Variants in UBXN7 observed in about 807,000 individuals in gnomAD.
The protein encoded by UBXN7 is UBX domain protein 7, also known as UBX domain-containing protein 7.
Under a neutral mutation model 58.0 loss-of-function variants are expected in UBXN7, and 9 were observed. The ratio of observed to expected loss-of-function variants is 0.16; its 90% CI spans 0.09 to 0.27. The LOEUF (loss-of-function observed/expected upper bound fraction) is 0.27, where lower values mean the gene tolerates loss of function less well. UBXN7 is among the 10% of genes least tolerant of loss of function. UBXN7 has a pLI of 1.00. For missense variants in UBXN7, 328 were observed against 599.6 expected, an observed-to-expected ratio of 0.55 and a Z score of 4.73; for synonymous variants, 208 against 205.0, an observed-to-expected ratio of 1.01 and a Z score of -0.12.
chr3:196,428,822 T>TC (rs1730928332), intron 1 of UBXN7, among the ~76,000 whole-genome samples: 1 of 123,344 alleles, frequency 8.1e-6, no homozygotes, highest in Non-Finnish European at 1.8e-5. Flanking sequence ...CCAGTCCGTC[T>TC]CAAAAAAAAA....
At chr3:196,362,040 C>G in intron 9 of UBXN7, 117 bp from the exon 10 acceptor site, 1 of 1,135,206 alleles carries the variant, frequency 8.8e-7, no homozygotes, top group South Asian at 1.4e-5. Flanking sequence ...AAGTGTTTTG[C>G]TGGAGTGCAG....
At chr3:196,364,706 T>G (rs944502398) in intron 8 of UBXN7, among the ~76,000 whole-genome samples, 2 of 151,344 alleles carry the variant, frequency 1.3e-5, no homozygotes, top group Admixed American at 6.6e-5. Flanking sequence ...GCTGGTTGTT[T>G]TTTTTTTTTG....
intron 10 of UBXN7, among the ~76,000 whole-genome samples, chr3:196,360,429 C>T (rs1728476451): frequency 6.6e-6 from 1 of 152,136 alleles, no homozygotes; most frequent in Non-Finnish European, 1.5e-5. Flanking sequence ...TTTAACATTC[C>T]AAAATCCCAG....
chr3:196,402,477 G>A (rs915460284), intron 3 of UBXN7, among the ~76,000 whole-genome samples: 6 of 152,054 alleles, frequency 3.9e-5, no homozygotes, highest in African/African-American at 9.7e-5. Flanking sequence ...AATGCTTAAC[G>A]ATAAATTAAT....
chr3:196,415,725 T>C (rs753762678), intron 1 of UBXN7, among the ~76,000 whole-genome samples: 1 of 151,400 alleles, frequency 6.6e-6, no homozygotes, highest in Non-Finnish European at 1.5e-5. Flanking sequence ...AAGGTTGCAG[T>C]GAGCCAAGAT....
intron 3 of UBXN7, among the ~76,000 whole-genome samples, chr3:196,396,258 G>A (rs1331696356): frequency 6.7e-6 from 1 of 150,290 alleles, no homozygotes; most frequent in East Asian, 1.9e-4. Flanking sequence ...GCCAAAGAAT[G>A]CCTCTAAAAC....
intron 5 of UBXN7, among the ~76,000 whole-genome samples, chr3:196,375,696 C>T (rs1048197659): frequency 2.0e-5 from 3 of 152,144 alleles, no homozygotes; most frequent in Non-Finnish European, 2.9e-5. Flanking sequence ...GGGAGACTAA[C>T]GTCTGTCCCA....
chr3:196,364,697 C>T (rs1240802130), intron 8 of UBXN7, among the ~76,000 whole-genome samples: 1 of 148,546 alleles, frequency 6.7e-6, no homozygotes, highest in South Asian at 2.1e-4. Context: ...CATTTTTTTG[C>T]TGGTTGTTTT....
intron 6 of UBXN7, 143 bp downstream of exon 6, chr3:196,371,753 G>C (rs1728838961): frequency 9.7e-7 from 1 of 1,026,996 alleles, no homozygotes. Context: ...AAAGTGCTGG[G>C]ATTATAGGCG....
intron 8 of UBXN7, among the ~76,000 whole-genome samples, chr3:196,363,237 TAC>T (rs1728557374): frequency 1.5e-5 from 2 of 130,510 alleles, no homozygotes; most frequent in African/African-American, 6.1e-5. Context: ...CATACATACA[TAC>T]ATACATACAT....
intron 7 of UBXN7, 131 bp downstream of exon 7, chr3:196,369,290 G>GA (rs1161345125): frequency 9.6e-6 from 7 of 725,748 alleles, no homozygotes; most frequent in African/African-American, 3.6e-5. Context: ...ATTATAAAGG[G>GA]AAAAAAACGA....
chr3:196,375,856 C>T (rs1351609732), intron 5 of UBXN7, among the ~76,000 whole-genome samples: 1 of 152,108 alleles, frequency 6.6e-6, no homozygotes, highest in Admixed American at 6.5e-5. Flanking sequence ...TGGCGAAACC[C>T]CATCTCTACT....
At position 196,391,849 on chromosome 3, in the gene UBXN7, T is replaced by C. The variant is rs775478358; in HGVS notation, c.432A>G (p.Pro144=). The C allele has an allele frequency of 8.7e-6, 14 of 1,612,928 alleles. No homozygotes were observed. Among genetic ancestry groups the C allele is most frequent in the African/African-American group, 2.7e-5 (2 of 74,856 alleles). Residue 144 remains proline, a synonymous_variant, in exon 5 of 11, where the codon CCA becomes CCG. Coordinates refer to ENST00000296328, the MANE Select transcript of UBXN7 (RefSeq NM_015562.2). ...TGCCTTTATGCATCAAATCAATGGG[T>C]GGCCGGAATAGATCTGCAAGGGTAG... is the stretch of plus-strand genomic sequence containing the variant. The part of the protein sequence containing the change: ...KLTTLADLFR[P]PIDLMHKGSF...
At chr3:196,432,176 C>G (rs1292620336) in intron 1 of UBXN7, 151 bp downstream of exon 1, 2 of 1,107,298 alleles carry the variant, frequency 1.8e-6, no homozygotes, top group Admixed American at 2.0e-5. Flanking sequence ...CCGGAGACCC[C>G]GACGCCGTCG....
intron 4 of UBXN7, 69 bp from the exon 5 acceptor site, chr3:196,391,994 A>G: frequency 1.3e-6 from 1 of 795,322 alleles, no homozygotes; most frequent in Non-Finnish European, 1.9e-6. Context: ...AAAAAAAAAA[A>G]AAACACAAAC....
intron 1 of UBXN7, among the ~76,000 whole-genome samples, chr3:196,409,523 T>C (rs1268584333): frequency 6.6e-6 from 1 of 152,064 alleles, no homozygotes; most frequent in African/African-American, 2.4e-5. Context: ...GAAGGTACAT[T>C]TCCTCCTAAG....
At chr3:196,358,818 CTT>C (rs1170693448) in intron 10 of UBXN7, among the ~76,000 whole-genome samples, 1 of 150,752 alleles carries the variant, frequency 6.6e-6, no homozygotes, top group South Asian at 2.1e-4. Flanking sequence ...TCTAACACCT[CTT>C]TCTTTTTTTT....
chr3:196,407,420 C>T (rs760437208), intron 1 of UBXN7, 27 bp from the exon 2 acceptor site: 12 of 1,150,986 alleles, frequency 1.0e-5, no homozygotes, highest in East Asian at 9.8e-5. Flanking sequence ...ACAGGAAAAA[C>T]GTTAAAAAAA....
intron 5 of UBXN7, among the ~76,000 whole-genome samples, chr3:196,381,061 A>T (rs1457179641): frequency 6.6e-6 from 1 of 152,264 alleles, no homozygotes; most frequent in African/African-American, 2.4e-5. Context: ...GCATAGCTGA[A>T]CAAAAGGCAG....
Sources: gnomAD v4.1 joint callset for allele counts (sites outside exome capture counted in the v4.1 genomes callset) on GRCh38, gnomAD v4.1.1 for gene constraint, MANE v1.5 for transcripts, NCBI Gene and HGNC (gene_info 2026-07-23, HGNC 2026-07-21) for gene names.